The following RFX3 variants were observed in gnomAD, a reference collection of about 807,000 sequenced individuals.
RFX3 encodes regulatory factor X3.
A neutral mutation model predicts 98.6 loss-of-function variants in RFX3; 14 were observed. The ratio of observed to expected loss-of-function variants is 0.14; its 90% CI spans 0.09 to 0.22. The LOEUF (loss-of-function observed/expected upper bound fraction) is 0.22, where lower values mean the gene tolerates loss of function less well. Among genes scored for constraint, RFX3 ranks in the 10% least tolerant of loss-of-function variants. The pLI is 1.00. For synonymous variants in RFX3, 383 were observed against 328.4 expected, an observed-to-expected ratio of 1.17 and a Z score of -1.80; for missense variants, 639 against 926.9, an observed-to-expected ratio of 0.69 and a Z score of 4.03.
At chr9:3,454,336 C>T (rs12005660) in intron 1 of RFX3, among the ~76,000 whole-genome samples, 9,428 of 152,204 alleles carry the variant, frequency 0.062, 1,002 homozygotes, top group African/African-American at 0.21. Flanking sequence ...TACTTGAATG[C>T]AACTTCAGAT....
intron 3 of RFX3, 52 bp downstream of exon 3, chr9:3,346,615 A>G (rs1834466906): frequency 2.6e-6 from 3 of 1,159,468 alleles, no homozygotes; most frequent in African/African-American, 1.5e-5. Flanking sequence ...TCAAAAGTAC[A>G]TTATTTTTCT....
At chr9:3,434,490 A>C (rs972958157) in intron 1 of RFX3, among the ~76,000 whole-genome samples, 4 of 152,108 alleles carry the variant, frequency 2.6e-5, no homozygotes, top group Non-Finnish European at 5.9e-5. Flanking sequence ...TTGTTGACAA[A>C]TTCATCCTAA....
chr9:3,482,551 A>C (rs948451825), intron 1 of RFX3, among the ~76,000 whole-genome samples: 1 of 152,240 alleles, frequency 6.6e-6, no homozygotes. Flanking sequence ...ATAAGCATGA[A>C]CAGGTTCTGT....
intron 1 of RFX3, among the ~76,000 whole-genome samples, chr9:3,506,682 G>A (rs1056400831): frequency 1.3e-5 from 2 of 151,682 alleles, no homozygotes; most frequent in Non-Finnish European, 1.5e-5. Flanking sequence ...AGATATATGA[G>A]TCTAGAATTT....
intron 12 of RFX3, among the ~76,000 whole-genome samples, chr9:3,264,664 C>T (rs1823380056): frequency 6.6e-6 from 1 of 152,182 alleles, no homozygotes; most frequent in Non-Finnish European, 1.5e-5. Context: ...AAAGAAACTT[C>T]ATTACTGATG....
rs894410550 is a variant in RFX3 at position 3,311,058 on chromosome 9, G to T, written c.475-9438C>A. Among the ~76,000 whole-genome samples, 19 of 152,164 alleles carry T rather than the reference G, an allele frequency of 1.2e-4. 1 individual carries two copies. The highest frequency in any genetic ancestry group is 4.3e-4 in the African/African-American group (18 of 41,442). On this transcript the variant is annotated intron_variant, in intron 4 of 16. Transcript: ENST00000617270. ...TTAATTATAAAAACAGTTACCTAAT[G>T]TATAACAATTGCATTTTCTTGTTAA...
At chr9:3,444,377 A>G (rs2132734451) in intron 1 of RFX3, among the ~76,000 whole-genome samples, 1 of 152,264 alleles carries the variant, frequency 6.6e-6, no homozygotes, top group East Asian at 1.9e-4. Context: ...ATACATAGTG[A>G]CAGAAAACAG....
At chr9:3,403,655 G>A (rs1841687073) in intron 1 of RFX3, among the ~76,000 whole-genome samples, 1 of 152,130 alleles carries the variant, frequency 6.6e-6, no homozygotes, top group African/African-American at 2.4e-5. Context: ...TGAAATTACT[G>A]TAATTTTTAT....
intron 13 of RFX3, 27 bp downstream of exon 13, chr9:3,262,908 G>C: frequency 6.2e-7 from 1 of 1,607,900 alleles, no homozygotes; most frequent in Non-Finnish European, 8.5e-7. Flanking sequence ...TTCCTTAAGA[G>C]ACATGCTTTG....
chr9:3,504,037 T>C (rs1816345002), intron 1 of RFX3, among the ~76,000 whole-genome samples: 1 of 150,682 alleles, frequency 6.6e-6, no homozygotes, highest in East Asian at 1.9e-4. Context: ...TAGGGTGGAC[T>C]TCAAGAATTT....
chr9:3,371,063 A>T (rs1837787745), intron 2 of RFX3, among the ~76,000 whole-genome samples: 1 of 152,064 alleles, frequency 6.6e-6, no homozygotes, highest in African/African-American at 2.4e-5. Context: ...TGCAGGAAAG[A>T]CTAATTAGGA....
chr9:3,400,829 C>G (rs1195794591), intron 1 of RFX3, among the ~76,000 whole-genome samples: 2 of 152,042 alleles, frequency 1.3e-5, no homozygotes, highest in Non-Finnish European at 2.9e-5. Context: ...AGGTGTTATC[C>G]CCATTTAACA....
At chr9:3,497,679 T>C (rs1203751588) in intron 1 of RFX3, among the ~76,000 whole-genome samples, 1 of 151,354 alleles carries the variant, frequency 6.6e-6, no homozygotes, top group Non-Finnish European at 1.5e-5. Flanking sequence ...ACTTAATCAC[T>C]GACAAACATC....
chr9:3,433,124 T>C (rs544682154), intron 1 of RFX3, among the ~76,000 whole-genome samples: 1 of 152,246 alleles, frequency 6.6e-6, no homozygotes, highest in East Asian at 1.9e-4. Flanking sequence ...CCCATAATAC[T>C]GTATTTTTAT....
rs572279989 is a variant in RFX3, at chr9:3,347,274, T to C, written c.118-510A>G. Among the ~76,000 whole-genome samples the C allele has an allele frequency of 2.4e-3, 366 of 151,682 alleles. 1 individual carries two copies. Among genetic ancestry groups the C allele is most frequent in the African/African-American group, 8.2e-3 (341 of 41,346 alleles). ...AGGCAGAGGTTGCAGTGAGCCAAGATTGTGCCACTGCGCTCCAGCCTGGGT... is the reference window on the plus strand; with the variant it reads ...AGGCAGAGGTTGCAGTGAGCCAAGACTGTGCCACTGCGCTCCAGCCTGGGT... On this transcript the variant is annotated intron_variant, in intron 2 of 16. Coordinates refer to ENST00000617270, the MANE Select transcript of RFX3 (RefSeq NM_001282116.2).
intron 1 of RFX3, among the ~76,000 whole-genome samples, chr9:3,505,060 TATA>T (rs1292684838): frequency 1.1e-5 from 1 of 92,410 alleles, no homozygotes; most frequent in African/African-American, 4.4e-5. Context: ...ATATATAAAA[TATA>T]TAATAAAATA....
At chr9:3,366,702 C>CTTTCTTTCTTTCTTTCTTTCT (rs1254234470) in intron 2 of RFX3, among the ~76,000 whole-genome samples, 1 of 76,304 alleles carries the variant, frequency 1.3e-5, no homozygotes, top group African/African-American at 5.5e-5. Context: ...TCCTTTCTTT[C>CTTTCTTTCTTTCTTTCTTTCT]TTTCTTTCTT....
intron 1 of RFX3, among the ~76,000 whole-genome samples, chr9:3,401,265 C>G (rs1264675557): frequency 6.6e-6 from 1 of 152,188 alleles, no homozygotes; most frequent in African/African-American, 2.4e-5. Context: ...ATATAACCCT[C>G]CCGCCAAATT....
At chr9:3,312,905 G>A (rs1337970436) in intron 4 of RFX3, among the ~76,000 whole-genome samples, 1 of 152,248 alleles carries the variant, frequency 6.6e-6, no homozygotes, top group Non-Finnish European at 1.5e-5. Context: ...GATCAAGGAG[G>A]CCTGCCTGCC....
Sources: gnomAD v4.1 joint callset for allele counts (sites outside exome capture counted in the v4.1 genomes callset) on GRCh38, gnomAD v4.1.1 for gene constraint, MANE v1.5 for transcripts, NCBI Gene and HGNC (gene_info 2026-07-23, HGNC 2026-07-21) for gene names.